The following ANAPC10 variants were observed in gnomAD, a reference collection of about 807,000 sequenced individuals.
The protein encoded by ANAPC10 is anaphase promoting complex subunit 10.
ANAPC10 carries 12 observed loss-of-function variants against 22.0 expected under a neutral mutation model. The observed-to-expected ratio is 0.55, with a 90% CI of 0.35 to 0.88. ANAPC10 has a LOEUF of 0.88. Ranked by LOEUF, ANAPC10 falls within the 40% of genes least tolerant of loss-of-function variation. The pLI is 0.01. For synonymous variants in ANAPC10, 65 were observed against 69.5 expected (o/e 0.94, Z 0.32); for missense variants, 188 against 220.9 (o/e 0.85, Z 0.94).
At chr4:145,082,703 C>T (rs1746255305) in intron 2 of ANAPC10, among the ~76,000 whole-genome samples, 1 of 152,192 alleles carries the variant, frequency 6.6e-6, no homozygotes, top group Non-Finnish European at 1.5e-5. Flanking sequence ...TGTTCTCCAT[C>T]CATTCTACAT....
chr4:145,081,481 CAG>C, intron 3 of ANAPC10, 177 bp downstream of exon 3: 1 of 456,896 alleles, frequency 2.2e-6, no homozygotes, highest in East Asian at 3.6e-5. Context: ...AAAAATAAGA[CAG>C]AGTAACTTTA....
intron 2 of ANAPC10, among the ~76,000 whole-genome samples, chr4:145,093,580 A>G (rs944184612): frequency 1.3e-5 from 2 of 151,898 alleles, no homozygotes; most frequent in African/African-American, 4.8e-5. Context: ...AAAAAAAAAC[A>G]AAAACCTAGA....
At chr4:145,002,524 T>G (rs17781187) in intron 4 of ANAPC10, among the ~76,000 whole-genome samples, 4,102 of 152,252 alleles carry the variant, frequency 0.027, 76 homozygotes, top group Admixed American at 0.04. Flanking sequence ...AGAGTTAAGA[T>G]TATATAGCTT....
chr4:145,084,660 C>T (rs966378472), intron 2 of ANAPC10, among the ~76,000 whole-genome samples: 14 of 152,054 alleles, frequency 9.2e-5, no homozygotes, highest in Non-Finnish European at 1.5e-4. Context: ...CCATATATGT[C>T]GATAAAATGT....
intron 4 of ANAPC10, among the ~76,000 whole-genome samples, chr4:145,047,236 A>C (rs1434815659): frequency 6.6e-6 from 1 of 152,138 alleles, no homozygotes; most frequent in Non-Finnish European, 1.5e-5. Context: ...CATGTGGCAA[A>C]GACAATCTAG....
At chr4:145,002,981 C>A (rs1484261038) in intron 4 of ANAPC10, among the ~76,000 whole-genome samples, 1 of 152,060 alleles carries the variant, frequency 6.6e-6, no homozygotes, top group Non-Finnish European at 1.5e-5. Context: ...AGGCATAATA[C>A]CCGATAGGTA....
intron 4 of ANAPC10, among the ~76,000 whole-genome samples, chr4:145,052,796 G>C (rs969646201): frequency 1.3e-5 from 2 of 151,326 alleles, no homozygotes; most frequent in Non-Finnish European, 2.9e-5. Context: ...GCTGAGACAG[G>C]AGAAGCGCTT....
At chr4:145,089,817 G>C (rs531105172) in intron 2 of ANAPC10, among the ~76,000 whole-genome samples, 1 of 151,996 alleles carries the variant, frequency 6.6e-6, no homozygotes, top group East Asian at 1.9e-4. Context: ...CTGATTTATC[G>C]CGTCTCCTGA....
Position 145,094,308 on chromosome 4 carries a change from A to C in ANAPC10, c.115+1677T>G, listed in dbSNP as rs1306846347. On this transcript the variant is annotated intron_variant, in intron 2 of 4. Coordinates refer to ENST00000507656, the MANE Select transcript of ANAPC10 (RefSeq NM_001256706.2). ...GCGAAACCAAAGGGACCCAAAACTGAGCTGTCAGGGGCTTGGAAAGGCCCA... is the reference window on the plus strand; with the variant it reads ...GCGAAACCAAAGGGACCCAAAACTGCGCTGTCAGGGGCTTGGAAAGGCCCA... Among the ~76,000 whole-genome samples the C allele has an allele frequency of 2.0e-5, 3 of 152,154 alleles. No homozygotes were observed. The East Asian group carries it at 5.8e-4, about 29-fold the overall frequency.
chr4:145,044,300 C>A (rs1159642180), intron 4 of ANAPC10, among the ~76,000 whole-genome samples: 3 of 151,948 alleles, frequency 2.0e-5, no homozygotes, highest in African/African-American at 4.8e-5. Context: ...TCAAATCTAA[C>A]AAAAGGGCTT....
At chr4:144,999,242 G>C (rs1356352342) in intron 4 of ANAPC10, 1 of 155,196 alleles carries the variant, frequency 6.4e-6, no homozygotes, top group Non-Finnish European at 1.4e-5. Flanking sequence ...GAGAAAAAGA[G>C]GGAATCCTCC....
chr4:145,083,478 T>A (rs964693545), intron 2 of ANAPC10, among the ~76,000 whole-genome samples: 1 of 152,162 alleles, frequency 6.6e-6, no homozygotes, highest in African/African-American at 2.4e-5. Flanking sequence ...CATTTGAATC[T>A]TTAATTTGAT....
intron 2 of ANAPC10, among the ~76,000 whole-genome samples, chr4:145,087,527 C>T (rs1747072454): frequency 6.6e-6 from 1 of 152,080 alleles, no homozygotes; most frequent in Non-Finnish European, 1.5e-5. Flanking sequence ...CAAATGGTCT[C>T]TGTAGAGAAG....
At chr4:145,095,200 T>A (rs1274210389) in intron 2 of ANAPC10, among the ~76,000 whole-genome samples, 1 of 152,256 alleles carries the variant, frequency 6.6e-6, no homozygotes. Flanking sequence ...TATCTTTATC[T>A]GCAGTTTCAT....
chr4:145,075,586 G>A (rs1301452933), intron 3 of ANAPC10, among the ~76,000 whole-genome samples: 4 of 152,036 alleles, frequency 2.6e-5, no homozygotes, highest in Non-Finnish European at 5.9e-5. Flanking sequence ...GGCTGAAAGG[G>A]GAGTAAGCTA....
intron 2 of ANAPC10, among the ~76,000 whole-genome samples, chr4:145,094,549 G>C (rs1172076846): frequency 6.6e-6 from 1 of 152,148 alleles, no homozygotes; most frequent in African/African-American, 2.4e-5. Context: ...GAAGAGGCTT[G>C]GTTGAGAGGA....
intron 4 of ANAPC10, among the ~76,000 whole-genome samples, chr4:145,007,891 C>A (rs936876736): frequency 2.0e-5 from 3 of 150,610 alleles, no homozygotes; most frequent in Non-Finnish European, 4.4e-5. Context: ...ATCAATGAAT[C>A]CAGGAGCTGG....
chr4:145,097,394 C>T (rs902151465), intron 1 of ANAPC10: 3 of 950,086 alleles, frequency 3.2e-6, no homozygotes, highest in East Asian at 1.2e-4. Context: ...CACTTCAATA[C>T]TGGATCGTGA....
chr4:145,082,581 GAGACAAGAA>G (rs1746235109), intron 2 of ANAPC10, among the ~76,000 whole-genome samples: 1 of 152,142 alleles, frequency 6.6e-6, no homozygotes, highest in Non-Finnish European at 1.5e-5. Context: ...CATGCTTACT[GAGACAAGAA>G]AAAAGATGAC....
Sources: allele counts gnomAD v4.1 joint callset (sites outside exome capture counted in the v4.1 genomes callset), GRCh38; gene constraint gnomAD v4.1.1; transcripts MANE v1.5; gene names NCBI Gene and HGNC (gene_info 2026-07-23, HGNC 2026-07-21).